The following ZNF365 variants were observed in gnomAD, a reference collection of about 807,000 sequenced individuals.
The protein encoded by ZNF365 is zinc finger protein 365, also known as protein ZNF365.
In ZNF365, 22 loss-of-function variants were observed where a neutral mutation model predicts 35.0. The observed-to-expected ratio is 0.63, with a 90% CI of 0.45 to 0.90. ZNF365 has a LOEUF of 0.90. Among genes scored for constraint, ZNF365 ranks in the 40% least tolerant of loss-of-function variants. The pLI, the probability that ZNF365 is intolerant of heterozygous loss-of-function variation, is 0.00. For synonymous variants in ZNF365, 188 were observed against 196.2 expected (o/e 0.96, Z 0.35); for missense variants, 448 against 500.3 (o/e 0.90, Z 1.00).
At chr10:62,425,947 C>T (rs528664856) in intron 3 of ZNF365, among the ~76,000 whole-genome samples, 2 of 152,092 alleles carry the variant, frequency 1.3e-5, no homozygotes, top group South Asian at 2.1e-4. Context: ...ATAAGATGCT[C>T]AAGTTGGTCA....
chr10:62,446,003 A>G (rs1001111382), intron 3 of ZNF365, among the ~76,000 whole-genome samples: 4 of 152,106 alleles, frequency 2.6e-5, no homozygotes, highest in African/African-American at 4.8e-5. Flanking sequence ...GGCCAAATCT[A>G]TTGGTCTTTT....
chr10:62,402,462 G>A (rs1419391294), downstream of ZNF365: 6 of 985,140 alleles, frequency 6.1e-6, no homozygotes, highest in Admixed American at 6.1e-5. Flanking sequence ...GTGTTGATAT[G>A]TTTTGTCTAG....
At chr10:62,395,637 G>A (rs1032136306) in intron 3 of ZNF365, among the ~76,000 whole-genome samples, 1 of 151,308 alleles carries the variant, frequency 6.6e-6, no homozygotes. Context: ...GATTGCAGGT[G>A]TGAGCCACTG....
intron 3 of ZNF365, among the ~76,000 whole-genome samples, chr10:62,455,097 G>A (rs895432444): frequency 3.4e-4 from 52 of 152,220 alleles, no homozygotes; most frequent in African/African-American, 1.2e-3. Flanking sequence ...GGTGGGGCAT[G>A]CCTTGGACTG....
intron 2 of ZNF365, among the ~76,000 whole-genome samples, chr10:62,382,419 T>C (rs987259365): frequency 2.6e-5 from 4 of 152,184 alleles, no homozygotes; most frequent in Non-Finnish European, 4.4e-5. Flanking sequence ...GAAACTCATA[T>C]AGAATAAATG....
chr10:62,456,844 GCA>G (rs57620397), intron 3 of ZNF365, among the ~76,000 whole-genome samples: 31,133 of 151,140 alleles, frequency 0.21, 4,484 homozygotes, highest in African/African-American at 0.41. Context: ...GCGCACACAT[GCA>G]CACACACACA....
intron 3 of ZNF365, among the ~76,000 whole-genome samples, chr10:62,447,118 T>C (rs981161528): frequency 6.6e-6 from 1 of 152,098 alleles, no homozygotes; most frequent in African/African-American, 2.4e-5. Context: ...TATCCAAAAG[T>C]TGGATAGCAA....
intron 1 of ZNF365, among the ~76,000 whole-genome samples, chr10:62,375,372 G>A (rs1839303888): frequency 6.6e-6 from 1 of 152,110 alleles, no homozygotes; most frequent in Admixed American, 6.5e-5. Flanking sequence ...TAAAAATCTT[G>A]GCCATGGCCC....
chr10:62,454,561 C>T (rs1840732569), intron 3 of ZNF365, among the ~76,000 whole-genome samples: 1 of 151,822 alleles, frequency 6.6e-6, no homozygotes, highest in African/African-American at 2.4e-5. Flanking sequence ...GCTTGAGAAC[C>T]TCTAATCTAG....
intron 3 of ZNF365, among the ~76,000 whole-genome samples, chr10:62,421,232 T>C (rs1332520532): frequency 1.3e-5 from 2 of 152,194 alleles, no homozygotes; most frequent in East Asian, 3.8e-4. Context: ...GAACAGGTCT[T>C]GTGAATGTAG....
At chr10:62,460,465 C>T (rs1269330164) in intron 4 of ZNF365, among the ~76,000 whole-genome samples, 1 of 152,166 alleles carries the variant, frequency 6.6e-6, no homozygotes, top group African/African-American at 2.4e-5. Flanking sequence ...AGAACAATTA[C>T]AACAATATAG....
At chr10:62,446,007 G>A (rs10995159) in intron 3 of ZNF365, among the ~76,000 whole-genome samples, 9 of 152,072 alleles carry the variant, frequency 5.9e-5, no homozygotes, top group African/African-American at 1.4e-4. Context: ...AAATCTATTG[G>A]TCTTTTTTGA....
intron 3 of ZNF365, among the ~76,000 whole-genome samples, chr10:62,389,787 A>C (rs1394497252): frequency 6.6e-6 from 1 of 152,228 alleles, no homozygotes; most frequent in Non-Finnish European, 1.5e-5. Flanking sequence ...AACTTTCCAG[A>C]ACAAAAAGAG....
At chr10:62,398,483 T>C (rs1163064770) in intron 3 of ZNF365, among the ~76,000 whole-genome samples, 1 of 152,156 alleles carries the variant, frequency 6.6e-6, no homozygotes, top group Non-Finnish European at 1.5e-5. Context: ...TTTGAGATTT[T>C]TGAGATCTGC....
chr10:62,470,663 G>T (rs1307370911), intron 4 of ZNF365, among the ~76,000 whole-genome samples: 1 of 152,138 alleles, frequency 6.6e-6, no homozygotes, highest in African/African-American at 2.4e-5. Flanking sequence ...CAGTGCTGGG[G>T]TTTGCTATGT....
At chr10:62,394,590 G>A (rs1055929068) in intron 3 of ZNF365, among the ~76,000 whole-genome samples, 5 of 152,090 alleles carry the variant, frequency 3.3e-5, no homozygotes, top group South Asian at 2.1e-4. Flanking sequence ...ATTTTTCAGA[G>A]CATAAAGATA....
At chr10:62,451,341 A>G (rs1458330489) in intron 3 of ZNF365, among the ~76,000 whole-genome samples, 1 of 151,928 alleles carries the variant, frequency 6.6e-6, no homozygotes, top group East Asian at 1.9e-4. Flanking sequence ...AAGTTGCTCA[A>G]TTTGAGCTGC....
Position 62,401,512 on chromosome 10 carries a change from A to G in ZNF365, c.*1723A>G, listed in dbSNP as rs1377792430. 4 of 985,412 alleles carry G rather than the reference A, an allele frequency of 4.1e-6. No homozygotes were observed. In the African/African-American group the frequency reaches 5.2e-5, roughly 13 times the overall value. 61.0% of individuals were successfully genotyped at this position (985,412 alleles called of 1,614,324 possible). A position where few individuals can be genotyped will look rare whatever the true frequency, so the allele number is the denominator to read the frequency against. The stretch of plus-strand genomic sequence containing the variant: ...GGGGGGGGTAGATCATTCATGTGAT[A>G]TATAAGCAGCTATCAAGTGGGCAAA... On this transcript the variant is annotated 3_prime_UTR_variant, in exon 5 of 5. Transcript: ENST00000395254.
intron 3 of ZNF365, among the ~76,000 whole-genome samples, chr10:62,407,866 CCTT>C (rs1205553876): frequency 6.6e-6 from 1 of 152,148 alleles, no homozygotes; most frequent in East Asian, 1.9e-4. Context: ...GCCTCAGAAT[CCTT>C]CTTAACACAG....
Sources: gnomAD v4.1 joint callset for allele counts (sites outside exome capture counted in the v4.1 genomes callset) on GRCh38, gnomAD v4.1.1 for gene constraint, MANE v1.5 for transcripts, NCBI Gene and HGNC (gene_info 2026-07-23, HGNC 2026-07-21) for gene names.